ANKRD26: variants seen among roughly 807,000 people sequenced by gnomAD.
ANKRD26 encodes ankyrin repeat domain-containing protein 26.
Under a neutral mutation model 208.7 loss-of-function variants are expected in ANKRD26, and 141 were observed. That is an observed-to-expected ratio of 0.68 (90% CI 0.59 to 0.78). The LOEUF is 0.78. ANKRD26 is among the 30% of genes least tolerant of loss of function. The pLI is 0.00. For synonymous variants in ANKRD26, 636 were observed against 660.4 expected (o/e 0.96, Z 0.57); for missense variants, 1,889 against 1,938.7 (o/e 0.97, Z 0.48).
intron 21 of ANKRD26, among the ~76,000 whole-genome samples, chr10:27,038,483 C>G (rs375000512): frequency 8.9e-4 from 136 of 152,088 alleles, no homozygotes; most frequent in African/African-American, 3.2e-3. Context: ...AACCACATCT[C>G]TACTAAAAAT....
chr10:27,067,898 A>G (rs998342323), intron 9 of ANKRD26, among the ~76,000 whole-genome samples: 1 of 152,274 alleles, frequency 6.6e-6, no homozygotes, highest in Non-Finnish European at 1.5e-5. Context: ...AAATATAAAC[A>G]GAAGACAGAT....
chr10:27,024,354 A>G, intron 28 of ANKRD26, 93 bp downstream of exon 28: 1 of 685,512 alleles, frequency 1.5e-6, no homozygotes, highest in Non-Finnish European at 2.5e-6. Context: ...AAAAGTAGAT[A>G]TTAAATGAAT....
In ANKRD26 at chr10:27,014,715, A is replaced by C. The variant is rs763976823; in HGVS notation, c.4507-4T>G. On this transcript the variant is annotated splice_region_variant and splice_polypyrimidine_tract_variant and intron_variant, in intron 30 of 33. Transcript: ENST00000376087. The stretch of plus-strand genomic sequence containing the variant: ...TTTCTTGAGATGCTGCTTGTGCCTA[A>C]AACAAATTAAAAGCATATGTTTTAA... 6.2e-7 allele frequency: 1 copy of C among 1,607,856 alleles called. No individual in the cohort carries two copies. Among genetic ancestry groups the C allele is most frequent in the South Asian group, 1.1e-5 (1 of 90,748 alleles).
At chr10:27,086,664 A>G in intron 4 of ANKRD26, 55 bp from the exon 5 acceptor site, 2 of 1,546,508 alleles carry the variant, frequency 1.3e-6, no homozygotes, top group Non-Finnish European at 1.8e-6. Flanking sequence ...AAAAATATTT[A>G]CCAAATATCT....
chr10:26,948,563 A>G, the ANKRD26 span, among the ~76,000 whole-genome samples: 1 of 152,254 alleles, frequency 6.6e-6, no homozygotes, highest in Non-Finnish European at 1.5e-5. Context: ...GAATATTTTG[A>G]GCCAATTAAA....
At chr10:27,014,346 T>G (rs968105941) in intron 31 of ANKRD26, 148 bp downstream of exon 31, 1 of 625,300 alleles carries the variant, frequency 1.6e-6, no homozygotes, top group Admixed American at 3.1e-5. Context: ...ACTCACATTT[T>G]AAAGGTAAGT....
rs1393484130 is a variant in ANKRD26, at chr10:27,051,114, A to G, written c.1636-2135T>C. On this transcript the variant is annotated intron_variant, in intron 16 of 33. Coordinates refer to ENST00000376087, the MANE Select transcript of ANKRD26 (RefSeq NM_014915.3). ...CAAAGCCTGGAACTCTACTTTTAACATGCCTATCTCATTTTTAAACCTTTG... is the reference window on the plus strand; with the variant it reads ...CAAAGCCTGGAACTCTACTTTTAACGTGCCTATCTCATTTTTAAACCTTTG... 6 of 1,288,552 alleles carry G rather than the reference A, an allele frequency of 4.7e-6. No homozygotes were observed. The South Asian group carries it at 7.5e-5, about 16-fold the overall frequency. 79.8% of individuals were successfully genotyped at this position (1,288,552 alleles called of 1,614,324 possible).
Position 27,033,205 on chromosome 10 carries a change from A to G in ANKRD26, c.3807+20T>C. 6.3e-7 allele frequency: 1 copy of G among 1,590,240 alleles called. No individual in the cohort carries two copies. Among genetic ancestry groups the G allele is most frequent in the Non-Finnish European group, 8.6e-7 (1 of 1,161,382 alleles). On this transcript the variant is annotated intron_variant, in intron 25 of 33. Coordinates refer to ENST00000376087, the MANE Select transcript of ANKRD26 (RefSeq NM_014915.3). The stretch of plus-strand genomic sequence containing the variant: ...ACCAGTTATAGATTAACTGTTTGAC[A>G]TGTTAAATTTCATACATACTTGATT...
At chr10:26,966,584 A>G in the ANKRD26 span, among the ~76,000 whole-genome samples, 2 of 152,188 alleles carry the variant, frequency 1.3e-5, no homozygotes, top group East Asian at 3.9e-4. Context: ...CGTTCTGCAC[A>G]TGTATCCCAA....
At chr10:26,970,925 A>G (rs1389135119), downstream of ANKRD26, among the ~76,000 whole-genome samples, 2 of 152,250 alleles carry the variant, frequency 1.3e-5, no homozygotes, top group African/African-American at 2.4e-5. Flanking sequence ...TTGGATGACT[A>G]CAAAAAATAT....
the ANKRD26 span, among the ~76,000 whole-genome samples, chr10:26,958,019 T>C: frequency 6.6e-6 from 1 of 151,606 alleles, no homozygotes; most frequent in Non-Finnish European, 1.5e-5. Flanking sequence ...GTTTGCTACA[T>C]AGGTAAATGT....
chr10:27,100,244 C>G lies in ANKRD26; in HGVS notation c.83G>C (p.Gly28Ala). 3 of 1,611,412 alleles carry G rather than the reference C, an allele frequency of 1.9e-6. No individual in the cohort carries two copies. Among genetic ancestry groups the G allele is most frequent in the Non-Finnish European group, 2.5e-6 (3 of 1,179,530 alleles). ...RRQRSSAGGGGEPGEGAYSQP... is the reference protein window; with the variant it reads ...RRQRSSAGGGAEPGEGAYSQP... ...CGAGTAGGCGCCCTCCCCCGGCTCG[C>G]CCCCGCCTCCCGCGCTGCTCCTCTG... The change falls in exon 1 of 34, where the codon GGC (glycine) becomes GCC (alanine). Residue 28 changes from glycine to alanine, a missense_variant. This residue lies in a region of ANKRD26 where 1,272 missense variants were observed against 1,273.8 expected (regional missense o/e 1.00). Coordinates refer to ENST00000376087, the MANE Select transcript of ANKRD26 (RefSeq NM_014915.3).
At position 27,035,748 on chromosome 10, in the gene ANKRD26, GAATTCTAAGTAAAACAA is replaced by G; in HGVS notation, c.2698-13_2701del. ...GTCTTTTTCTTCTTCATGACTATGA[GAATTCTAAGTAAAACAA>G]AGGAAACTTTGAGCTAGCACCCAAG... On this transcript the variant is annotated splice_acceptor_variant and splice_polypyrimidine_tract_variant and coding_sequence_variant and intron_variant, in exon 24 of 34. Coordinates refer to ENST00000376087, the MANE Select transcript of ANKRD26 (RefSeq NM_014915.3). LOFTEE classifies it high-confidence loss of function. The G allele has an allele frequency of 6.2e-7, 1 of 1,601,960 alleles. No homozygotes were observed. Among genetic ancestry groups the G allele is most frequent in the Non-Finnish European group, 8.5e-7 (1 of 1,172,492 alleles).
At position 27,093,792 on chromosome 10, in the gene ANKRD26, G is replaced by A; in HGVS notation, c.250C>T (p.Leu84=). 1 of 1,613,626 alleles carries A rather than the reference G, an allele frequency of 6.2e-7. No individual in the cohort carries two copies. Among genetic ancestry groups the A allele is most frequent in the Non-Finnish European group, 8.5e-7 (1 of 1,179,512 alleles). ...TGACCATTGGCACAGGCCAAATGTA[G>A]AGCCGTCCTATGAGAGTGACAGGAC... The part of the protein sequence containing the change: ...NDRDKMNRTA[L]HLACANGHPE... Residue 84 remains leucine (L), a synonymous_variant, in exon 2 of 34, where the codon CTA becomes TTA. Transcript: ENST00000376087.
At chr10:26,960,937 G>T in the ANKRD26 span, among the ~76,000 whole-genome samples, 1 of 152,060 alleles carries the variant, frequency 6.6e-6, no homozygotes, top group African/African-American at 2.4e-5. Context: ...TAAAATTTCT[G>T]GCTGGGCACA....
chr10:26,969,125 G>A (rs1302148983), downstream of ANKRD26, among the ~76,000 whole-genome samples: 1 of 151,978 alleles, frequency 6.6e-6, no homozygotes, highest in Admixed American at 6.6e-5. Flanking sequence ...TATACTCCTT[G>A]AGTCATTGCG....
chr10:26,970,895 T>C (rs1425370510), downstream of ANKRD26, among the ~76,000 whole-genome samples: 1 of 152,160 alleles, frequency 6.6e-6, no homozygotes, highest in African/African-American at 2.4e-5. Context: ...TAAGGGGACA[T>C]GATTATTTAG....
At chr10:26,952,618 G>A in the ANKRD26 span, among the ~76,000 whole-genome samples, 2 of 152,104 alleles carry the variant, frequency 1.3e-5, no homozygotes, top group Non-Finnish European at 2.9e-5. Context: ...GCGACAAAGC[G>A]AGACTCTCTC....
chr10:27,093,569 A>C, intron 2 of ANKRD26, 47 bp from the exon 3 acceptor site: 1 of 1,608,600 alleles, frequency 6.2e-7, no homozygotes, highest in Non-Finnish European at 8.5e-7. Flanking sequence ...TAGGAATGCA[A>C]AATAAACACT....
Sources: allele counts gnomAD v4.1 joint callset (sites outside exome capture counted in the v4.1 genomes callset), GRCh38; gene constraint gnomAD v4.1.1; regional missense constraint gnomAD v4.1.1; transcripts MANE v1.5; gene names NCBI Gene and HGNC (gene_info 2026-07-23, HGNC 2026-07-21).